The following SOX5 variants were observed in gnomAD, a reference collection of about 807,000 sequenced individuals.
SOX5 encodes the protein SRY-box transcription factor 5.
In SOX5, 9 loss-of-function variants were observed where a neutral mutation model predicts 92.0. The observed-to-expected ratio is 0.10, with a 90% CI of 0.06 to 0.17. The LOEUF is 0.17. Ranked by LOEUF, SOX5 falls within the 10% of genes least tolerant of loss-of-function variation. The probability of loss-of-function intolerance (pLI) is 1.00; values close to 1 mark genes in which losing one functional copy is unlikely to be tolerated. For missense variants in SOX5, 642 were observed against 944.5 expected, an observed-to-expected ratio of 0.68 and a Z score of 4.20; for synonymous variants, 344 against 336.3, an observed-to-expected ratio of 1.02 and a Z score of -0.25.
In SOX5 at chr12:24,062,291, T is replaced by A. The variant is rs536390776; in HGVS notation, c.-2+151052A>T. On this transcript the variant is annotated intron_variant, in intron 4 of 4. Transcript: ENST00000446891. ...AGCATGACTAGAATAAAGCTTAAAA[T>A]GATTTCTACCTTTATTTCTAACTTC... Among the ~76,000 whole-genome samples, 76 of 152,356 alleles carry A rather than the reference T, an allele frequency of 5.0e-4. 1 individual carries two copies. The highest frequency in any genetic ancestry group is 4.4e-3 in the Admixed American group (67 of 15,304).
chr12:24,307,509 G>GTTA (rs1948723605), intron 2 of SOX5, among the ~76,000 whole-genome samples: 1 of 37,598 alleles, frequency 2.7e-5, no homozygotes, highest in Non-Finnish European at 9.2e-5. Flanking sequence ...AAGGAAGGAA[G>GTTA]GAAGGAAGGC....
At chr12:24,371,213 T>C (rs1405712259) in intron 1 of SOX5, among the ~76,000 whole-genome samples, 2 of 152,162 alleles carry the variant, frequency 1.3e-5, no homozygotes, top group Non-Finnish European at 1.5e-5. Context: ...TGGCAAAGAA[T>C]ATAGGCAGCC....
chr12:24,194,417 G>A (rs969521553), intron 4 of SOX5, among the ~76,000 whole-genome samples: 1 of 104,316 alleles, frequency 9.6e-6, no homozygotes, highest in Non-Finnish European at 1.9e-5. Context: ...AGGTAGGTAG[G>A]TAGGTAGGTA....
At chr12:24,450,254 G>T (rs1328635795) in intron 1 of SOX5, among the ~76,000 whole-genome samples, 1 of 152,144 alleles carries the variant, frequency 6.6e-6, no homozygotes, top group East Asian at 1.9e-4. Flanking sequence ...GCATCCCACA[G>T]TAAGTAATGT....
intron 4 of SOX5, among the ~76,000 whole-genome samples, chr12:23,983,210 T>A (rs1345313915): frequency 6.6e-6 from 1 of 151,808 alleles, no homozygotes; most frequent in Non-Finnish European, 1.5e-5. Context: ...CTGCTTTATA[T>A]CAGTGATATG....
intron 2 of SOX5, among the ~76,000 whole-genome samples, chr12:23,891,736 T>C (rs1042141450): frequency 6.6e-6 from 1 of 152,194 alleles, no homozygotes; most frequent in Non-Finnish European, 1.5e-5. Flanking sequence ...TTTGTGAATA[T>C]GACAATGGCC....
At chr12:23,626,579 G>A (rs2077817673) in intron 8 of SOX5, among the ~76,000 whole-genome samples, 1 of 150,394 alleles carries the variant, frequency 6.6e-6, no homozygotes, top group Non-Finnish European at 1.5e-5. Flanking sequence ...GATAGCACAT[G>A]AATAAATGTG....
chr12:24,174,140 A>C (rs534837214), intron 4 of SOX5, among the ~76,000 whole-genome samples: 123 of 152,088 alleles, frequency 8.1e-4, no homozygotes, highest in African/African-American at 2.9e-3. Flanking sequence ...TGGGATTACT[A>C]GTGTGCCCCA....
chr12:24,219,420 T>G (rs1959863085), intron 3 of SOX5, among the ~76,000 whole-genome samples: 1 of 152,074 alleles, frequency 6.6e-6, no homozygotes, highest in Admixed American at 6.6e-5. Context: ...ACATGTGCCT[T>G]AAAAACATAT....
intron 3 of SOX5, among the ~76,000 whole-genome samples, chr12:23,767,420 C>G (rs559536760): frequency 1.6e-4 from 24 of 152,142 alleles, no homozygotes; most frequent in African/African-American, 5.1e-4. Context: ...GGGAGAATCA[C>G]GTTACAAGCA....
chr12:23,678,244 T>C (rs1480418438), intron 6 of SOX5, among the ~76,000 whole-genome samples: 4 of 152,190 alleles, frequency 2.6e-5, no homozygotes, highest in African/African-American at 7.2e-5. Flanking sequence ...TCTACCATTG[T>C]AAATATACCC....
intron 3 of SOX5, among the ~76,000 whole-genome samples, chr12:24,222,157 TC>T (rs1275863497): frequency 1.1e-4 from 16 of 151,910 alleles, no homozygotes; most frequent in South Asian, 4.2e-4. Context: ...GCTCCTCTTT[TC>T]CCCCCCACCA....
At chr12:23,710,714 C>T (rs930569012) in intron 6 of SOX5, among the ~76,000 whole-genome samples, 20 of 152,128 alleles carry the variant, frequency 1.3e-4, no homozygotes, top group African/African-American at 4.3e-4. Context: ...TGTGCATGTG[C>T]CTTTATAGCA....
intron 1 of SOX5, among the ~76,000 whole-genome samples, chr12:23,919,116 G>C (rs2097453384): frequency 6.6e-6 from 1 of 152,116 alleles, no homozygotes; most frequent in South Asian, 2.1e-4. Context: ...CCTGCATTGT[G>C]CATGTGTGTG....
intron 6 of SOX5, among the ~76,000 whole-genome samples, chr12:23,726,162 AG>A (rs2093115763): frequency 1.7e-5 from 1 of 60,144 alleles, no homozygotes; most frequent in Admixed American, 1.8e-4. Flanking sequence ...AGAGAGAGAG[AG>A]AGAGAGAGAG....
At chr12:23,767,369 G>T (rs1196360754) in intron 3 of SOX5, among the ~76,000 whole-genome samples, 2 of 152,136 alleles carry the variant, frequency 1.3e-5, no homozygotes, top group Non-Finnish European at 2.9e-5. Context: ...CATCATCTCT[G>T]AATTGTTGAG....
intron 1 of SOX5, among the ~76,000 whole-genome samples, chr12:24,502,655 G>A (rs774180373): frequency 2.6e-5 from 4 of 152,218 alleles, no homozygotes; most frequent in South Asian, 2.1e-4. Flanking sequence ...AATTGGTGCC[G>A]AGAAGAAGCA....
intron 4 of SOX5, among the ~76,000 whole-genome samples, chr12:24,022,223 G>A (rs1388413062): frequency 6.6e-6 from 1 of 152,132 alleles, no homozygotes; most frequent in African/African-American, 2.4e-5. Flanking sequence ...ATTTCCCTGA[G>A]GAAGTGATAC....
At chr12:23,849,745 C>T (rs1013191868) in intron 2 of SOX5, among the ~76,000 whole-genome samples, 1 of 152,064 alleles carries the variant, frequency 6.6e-6, no homozygotes, top group African/African-American at 2.4e-5. Context: ...AAGCTCTGTC[C>T]ATCCAAATAT....
Sources: gnomAD v4.1 joint callset for allele counts (sites outside exome capture counted in the v4.1 genomes callset) on GRCh38, gnomAD v4.1.1 for gene constraint, MANE v1.5 for transcripts, NCBI Gene and HGNC (gene_info 2026-07-23, HGNC 2026-07-21) for gene names.